Variants in PTPRG observed in about 807,000 individuals in gnomAD.
PTPRG encodes receptor-type tyrosine-protein phosphatase gamma.
Under a neutral mutation model 165.3 loss-of-function variants are expected in PTPRG, and 102 were observed. The ratio of observed to expected loss-of-function variants is 0.62; its 90% CI spans 0.53 to 0.73. The LOEUF (loss-of-function observed/expected upper bound fraction) is 0.73. PTPRG is among the 30% of genes least tolerant of loss of function. The pLI, the probability that PTPRG is intolerant of heterozygous loss-of-function variation, is 0.00. For synonymous variants in PTPRG, 675 were observed against 669.5 expected (o/e 1.01, Z -0.13); for missense variants, 1,866 against 1,861.4 (o/e 1.00, Z -0.05).
chr3:62,145,602 AG>A (rs1011865273), intron 6 of PTPRG, among the ~76,000 whole-genome samples: 15 of 152,306 alleles, frequency 9.8e-5, no homozygotes, highest in Admixed American at 9.2e-4. Context: ...TTTTGAGATC[AG>A]GGGAAAGGGT....
chr3:61,649,154 C>T (rs1213168664), intron 1 of PTPRG, among the ~76,000 whole-genome samples: 2 of 143,950 alleles, frequency 1.4e-5, no homozygotes, highest in Non-Finnish European at 3.0e-5. Context: ...TCACTTCCCT[C>T]CCTCCCTTCT....
chr3:62,036,148 G>A (rs1286402000), intron 4 of PTPRG, among the ~76,000 whole-genome samples: 1 of 152,040 alleles, frequency 6.6e-6, no homozygotes, highest in Non-Finnish European at 1.5e-5. Context: ...AAGGTGAGAA[G>A]TACTTTGGAA....
chr3:61,748,727 T>A (rs1486087530), intron 1 of PTPRG, 151 bp from the exon 2 acceptor site: 5 of 21,232 alleles, frequency 2.4e-4, no homozygotes, highest in Non-Finnish European at 3.7e-4. Flanking sequence ...TTTCCTATAG[T>A]TTTTTTTTTT....
rs569121424 is a variant in PTPRG at position 62,220,852 on chromosome 3, A to C, written c.2288+1869A>C. On this transcript the variant is annotated intron_variant, in intron 13 of 29. Coordinates refer to ENST00000474889, the MANE Select transcript of PTPRG (RefSeq NM_002841.4). ...TCTCAGACTGTCACCACAGGGGAGC[A>C]GAGAAGTCCCACAGCTGCCACAGCA... Among the ~76,000 whole-genome samples, 22 of 152,304 alleles carry C rather than the reference A, an allele frequency of 1.4e-4. No homozygotes were observed. In the South Asian group the frequency reaches 2.7e-3, roughly 19 times the overall value.
At chr3:62,191,029 T>C (rs1294224809) in intron 8 of PTPRG, among the ~76,000 whole-genome samples, 1 of 152,206 alleles carries the variant, frequency 6.6e-6, no homozygotes, top group Non-Finnish European at 1.5e-5. Flanking sequence ...CTGCAGTGTT[T>C]ACTGGCCTAG....
intron 4 of PTPRG, among the ~76,000 whole-genome samples, chr3:62,020,744 T>C (rs1018953933): frequency 6.6e-6 from 1 of 152,142 alleles, no homozygotes; most frequent in African/African-American, 2.4e-5. Flanking sequence ...AGGCAGGGTC[T>C]TGCTCTGTCT....
intron 8 of PTPRG, among the ~76,000 whole-genome samples, chr3:62,173,625 AC>A (rs1705305451): frequency 6.6e-6 from 1 of 152,160 alleles, no homozygotes; most frequent in Admixed American, 6.5e-5. Context: ...AGACCCTAGG[AC>A]CAACCAGAGA....
At chr3:62,242,400 C>G (rs1000021116) in intron 14 of PTPRG, among the ~76,000 whole-genome samples, 2 of 152,176 alleles carry the variant, frequency 1.3e-5, no homozygotes, top group African/African-American at 4.8e-5. Context: ...GTTGTAGTAA[C>G]TGACGTTCAA....
At chr3:61,965,982 C>G (rs921935885) in intron 2 of PTPRG, among the ~76,000 whole-genome samples, 1 of 152,184 alleles carries the variant, frequency 6.6e-6, no homozygotes, top group African/African-American at 2.4e-5. Context: ...ACTCTCAAAG[C>G]AAACTTTTCT....
intron 2 of PTPRG, among the ~76,000 whole-genome samples, chr3:61,960,812 T>C (rs2107641588): frequency 6.6e-6 from 1 of 152,244 alleles, no homozygotes; most frequent in South Asian, 2.1e-4. Flanking sequence ...CTGACCACTG[T>C]CCCCTGTACT....
At chr3:61,904,343 C>A (rs1218961989) in intron 2 of PTPRG, among the ~76,000 whole-genome samples, 1 of 152,122 alleles carries the variant, frequency 6.6e-6, no homozygotes, top group African/African-American at 2.4e-5. Context: ...GAAAGAAGTG[C>A]AAACATCCTC....
intron 14 of PTPRG, among the ~76,000 whole-genome samples, chr3:62,239,605 C>T (rs1246175945): frequency 6.6e-6 from 1 of 151,886 alleles, no homozygotes. Context: ...TGTGATCCAC[C>T]CACCTCGGCC....
chr3:62,289,703 C>G lies in PTPRG; in HGVS notation c.4056-2718C>G, dbSNP rs933598023. Among the ~76,000 whole-genome samples, 31 of 138,458 alleles carry G rather than the reference C, an allele frequency of 2.2e-4. 1 individual carries two copies. The highest frequency in any genetic ancestry group is 2.9e-4 in the Admixed American group (4 of 13,798). 90.8% of individuals were successfully genotyped at this position (138,458 alleles called of 152,430 possible). ...AAAACAACACCCATTCATGATCCCC[C>G]CCCCCCAAAAAAAACACTTAGAGTA... On this transcript the variant is annotated intron_variant, in intron 28 of 29. Transcript: ENST00000474889.
intron 2 of PTPRG, among the ~76,000 whole-genome samples, chr3:61,862,652 C>T (rs1395150124): frequency 6.6e-6 from 1 of 152,166 alleles, no homozygotes; most frequent in Non-Finnish European, 1.5e-5. Flanking sequence ...GCCCAGGCCT[C>T]ACAAAGTGCT....
At chr3:61,719,205 T>C (rs1439722275) in intron 1 of PTPRG, among the ~76,000 whole-genome samples, 2 of 152,236 alleles carry the variant, frequency 1.3e-5, no homozygotes, top group African/African-American at 2.4e-5. Context: ...TGGATATGAA[T>C]TGTAGAAATT....
At chr3:61,743,021 C>G in intron 1 of PTPRG, 1 of 1,585,296 alleles carries the variant, frequency 6.3e-7, no homozygotes, top group Non-Finnish European at 8.7e-7. Flanking sequence ...TCCACCGTCT[C>G]CAGGAACTTG....
intron 2 of PTPRG, among the ~76,000 whole-genome samples, chr3:61,915,518 G>A (rs2038912243): frequency 6.6e-6 from 1 of 152,158 alleles, no homozygotes; most frequent in Non-Finnish European, 1.5e-5. Flanking sequence ...TCTGTAATTA[G>A]AGCCGTGAAA....
chr3:61,653,895 GC>G (rs763649074), intron 1 of PTPRG, among the ~76,000 whole-genome samples: 1 of 71,236 alleles, frequency 1.4e-5, no homozygotes. Flanking sequence ...TAAGCGGGGA[GC>G]GGTGGGGGGC....
chr3:61,775,923 GT>G (rs563089362), intron 2 of PTPRG, among the ~76,000 whole-genome samples: 26 of 119,088 alleles, frequency 2.2e-4, no homozygotes, highest in South Asian at 2.0e-3. Context: ...ACCGGGGGCT[GT>G]TGTGGGGTAG....
Sources: gnomAD v4.1 joint callset for allele counts (sites outside exome capture counted in the v4.1 genomes callset) on GRCh38, gnomAD v4.1.1 for gene constraint, MANE v1.5 for transcripts, NCBI Gene and HGNC (gene_info 2026-07-23, HGNC 2026-07-21) for gene names.